Variants in ZKSCAN7 observed in about 807,000 individuals in gnomAD.
ZKSCAN7 encodes the protein zinc finger with KRAB and SCAN domains 7, also known as zinc finger protein with KRAB and SCAN domains 7.
A neutral mutation model predicts 65.3 loss-of-function variants in ZKSCAN7; 38 were observed. That is an observed-to-expected ratio of 0.58 (90% CI 0.45 to 0.76). The LOEUF is 0.76. Ranked by LOEUF, ZKSCAN7 falls within the 30% of genes least tolerant of loss-of-function variation. ZKSCAN7 has a pLI of 0.00. For synonymous variants in ZKSCAN7, 321 were observed against 321.0 expected, an observed-to-expected ratio of 1.00 and a Z score of 0.00; for missense variants, 815 against 913.3, an observed-to-expected ratio of 0.89 and a Z score of 1.39.
rs114924951 is a variant in ZKSCAN7, at chr3:44,568,759, A to G, written c.811+326A>G. ...CTGGAAGAAACTGATGAGCTAGACC[A>G]GACTGTGGGAAGCAGGGCCTTGACC... On this transcript the variant is annotated intron_variant, in intron 5 of 5. Coordinates refer to ENST00000426540, the MANE Select transcript of ZKSCAN7 (RefSeq NM_001288590.2). Among the ~76,000 whole-genome samples, 1,407 of 152,328 alleles carry G rather than the reference A, an allele frequency of 9.2e-3. 26 individuals are homozygous for G. Among genetic ancestry groups the G allele is most frequent in the African/African-American group, 0.033 (1,354 of 41,558 alleles).
downstream of ZKSCAN7, among the ~76,000 whole-genome samples, chr3:44,573,344 A>G (rs1364329199): frequency 1.3e-5 from 2 of 152,184 alleles, no homozygotes; most frequent in African/African-American, 4.8e-5. Context: ...TAGAGGAGCC[A>G]TGCGAGTTAT....
intron 2 of ZKSCAN7, among the ~76,000 whole-genome samples, chr3:44,558,781 C>CCT (rs1559422610): frequency 1.3e-5 from 1 of 74,334 alleles, no homozygotes; most frequent in Non-Finnish European, 2.6e-5. Flanking sequence ...CTTTCTTCTT[C>CCT]ATTTTTTTTT....
intron 1 of ZKSCAN7, among the ~76,000 whole-genome samples, chr3:44,555,864 T>C (rs1699274734): frequency 6.6e-6 from 1 of 152,230 alleles, no homozygotes; most frequent in Non-Finnish European, 1.5e-5. Context: ...TTCAAAGTTT[T>C]CCTCCACTTC....
intron 5 of ZKSCAN7, among the ~76,000 whole-genome samples, chr3:44,579,351 C>T (rs949928003): frequency 2.0e-5 from 3 of 152,222 alleles, no homozygotes; most frequent in Admixed American, 6.5e-5. Flanking sequence ...GGCCCCACAC[C>T]GCCCACCCGC....
chr3:44,580,950 A>G, intron 5 of ZKSCAN7: 1 of 1,612,430 alleles, frequency 6.2e-7, no homozygotes, highest in East Asian at 2.2e-5. Context: ...GCGGGGCTGG[A>G]AGCAGTTCTG....
At position 44,578,294 on chromosome 3, in the gene ZKSCAN7, T is replaced by C. The variant is rs1699968854; in HGVS notation, c.812-4678T>C. On this transcript the variant is annotated intron_variant, in intron 5 of 5. Transcript: ENST00000341840. ...GGAGCTAATCTCCTGTTTCAGGTACTGTATTTCCGATTCCTATATCCGCAA... is the reference window on the plus strand; with the variant it reads ...GGAGCTAATCTCCTGTTTCAGGTACCGTATTTCCGATTCCTATATCCGCAA... 1.5e-5 allele frequency: 23 copies of C among 1,584,100 alleles called. 1 individual carries two copies. In the South Asian group the frequency reaches 2.2e-4, roughly 15 times the overall value.
At chr3:44,563,342 C>T (rs1161756698) in intron 2 of ZKSCAN7, among the ~76,000 whole-genome samples, 1 of 152,192 alleles carries the variant, frequency 6.6e-6, no homozygotes, top group African/African-American at 2.4e-5. Context: ...TAGCAGTGCC[C>T]CACTTTCCTG....
chr3:44,569,257 C>G (rs986371530), intron 5 of ZKSCAN7, among the ~76,000 whole-genome samples: 9 of 152,238 alleles, frequency 5.9e-5, no homozygotes, highest in African/African-American at 1.7e-4. Context: ...CACTTGGCAC[C>G]AAGCATGGTT....
At chr3:44,558,782 A>ATT (rs35709621) in intron 2 of ZKSCAN7, among the ~76,000 whole-genome samples, 7,931 of 92,744 alleles carry the variant, frequency 0.086, 322 homozygotes, top group Non-Finnish European at 0.11. Context: ...TTTCTTCTTC[A>ATT]TTTTTTTTTT....
intron 2 of ZKSCAN7, among the ~76,000 whole-genome samples, chr3:44,558,174 GGTGTGT>G (rs113889875): frequency 1.3e-4 from 20 of 148,528 alleles, no homozygotes; most frequent in Admixed American, 8.1e-4. Flanking sequence ...AGGAGAGAGG[GGTGTGT>G]GTGTGTGTGT....
In ZKSCAN7 at chr3:44,568,044, T is replaced by G. The variant is rs778298937; in HGVS notation, c.684+41T>G. 32 of 886,962 alleles carry G rather than the reference T, an allele frequency of 3.6e-5. No individual in the cohort carries two copies. The African/African-American group carries it at 5.3e-4, about 15-fold the overall frequency. The allele number at this position is 886,962 out of a possible 1,614,324, so 54.9% of individuals were successfully genotyped here. ...TGTGTTTTTACCAAGTCCCCATGAG[T>G]CTGGTCCAAGAATGGCTAGAGGTCT... is the stretch of plus-strand genomic sequence containing the variant. On this transcript the variant is annotated intron_variant, in intron 4 of 5. Transcript: ENST00000426540.
intron 2 of ZKSCAN7, among the ~76,000 whole-genome samples, chr3:44,560,708 C>T (rs1699450382): frequency 6.6e-6 from 1 of 152,008 alleles, no homozygotes; most frequent in Non-Finnish European, 1.5e-5. Context: ...CAGGGTTTCA[C>T]CATGTTAGCC....
At chr3:44,575,318 A>G (rs1344908137), downstream of ZKSCAN7, among the ~76,000 whole-genome samples, 3 of 152,052 alleles carry the variant, frequency 2.0e-5, no homozygotes, top group African/African-American at 7.2e-5. Context: ...CATGTCCACC[A>G]CTTTGTTAGG....
chr3:44,561,164 GTT>G (rs1445217004), intron 2 of ZKSCAN7, among the ~76,000 whole-genome samples: 2 of 152,208 alleles, frequency 1.3e-5, no homozygotes, highest in African/African-American at 4.8e-5. Context: ...TTGGCCCACA[GTT>G]TCACAGGCTT....
At chr3:44,580,670 C>T (rs1289178651) in intron 5 of ZKSCAN7, 13 of 1,613,974 alleles carry the variant, frequency 8.1e-6, no homozygotes, top group Non-Finnish European at 1.0e-5. Flanking sequence ...TCAGAATACA[C>T]AGGGAGAACC....
At chr3:44,578,288 A>G in intron 5 of ZKSCAN7, 1 of 1,581,110 alleles carries the variant, frequency 6.3e-7, no homozygotes, top group Non-Finnish European at 8.7e-7. Flanking sequence ...CTCCTGTTTC[A>G]GGTACTGTAT....
intron 5 of ZKSCAN7, among the ~76,000 whole-genome samples, chr3:44,578,548 C>G (rs1051557880): frequency 2.6e-5 from 4 of 152,358 alleles, no homozygotes; most frequent in Non-Finnish European, 4.4e-5. Flanking sequence ...CCAGGCACTT[C>G]TGCGAGTACT....
chr3:44,580,780 G>A (rs536542812), intron 5 of ZKSCAN7: 17 of 1,612,524 alleles, frequency 1.1e-5, no homozygotes, highest in South Asian at 8.8e-5. Context: ...AGGGCGTAGC[G>A]CAAGAGGCCA....
chr3:44,580,773 G>T lies in ZKSCAN7; in HGVS notation c.812-2199G>T. ...AAGGGTCGTGGGCATCTCATCCAGG[G>T]CGTAGCGCAAGAGGCCATGCTCGTA... On this transcript the variant is annotated intron_variant, in intron 5 of 5. Transcript: ENST00000341840. 3 of 1,613,220 alleles carry T rather than the reference G, an allele frequency of 1.9e-6. No homozygotes were observed. In the South Asian group the frequency reaches 3.3e-5, roughly 18 times the overall value.
Sources: gnomAD v4.1 joint callset for allele counts (sites outside exome capture counted in the v4.1 genomes callset) on GRCh38, gnomAD v4.1.1 for gene constraint, MANE v1.5 for transcripts, NCBI Gene and HGNC (gene_info 2026-07-23, HGNC 2026-07-21) for gene names.